Variants in FAM120B observed in about 807,000 individuals in gnomAD.
FAM120B encodes the protein family with sequence similarity 120 member B.
In FAM120B, 83 loss-of-function variants were observed where a neutral mutation model predicts 96.3. The observed-to-expected ratio is 0.86, with a 90% CI of 0.72 to 1.03. The LOEUF (loss-of-function observed/expected upper bound fraction) is 1.03. Among genes scored for constraint, FAM120B ranks in the 50% least tolerant of loss-of-function variants. The pLI is 0.00. For missense variants in FAM120B, 1,027 were observed against 1,121.2 expected (o/e 0.92, Z 1.20); for synonymous variants, 407 against 402.7 (o/e 1.01, Z -0.13).
At chr6:170,390,307 A>C (rs1377815110) in intron 7 of FAM120B, among the ~76,000 whole-genome samples, 1 of 152,234 alleles carries the variant, frequency 6.6e-6, no homozygotes, top group Non-Finnish European at 1.5e-5. Flanking sequence ...GCAAAAGCAG[A>C]ACAAGAGGAG....
At chr6:170,372,969 A>T (rs1789287664) in intron 6 of FAM120B, among the ~76,000 whole-genome samples, 1 of 152,224 alleles carries the variant, frequency 6.6e-6, no homozygotes, top group African/African-American at 2.4e-5. Context: ...TAGGACAAGC[A>T]CCCTGATGAA....
At position 170,363,975 on chromosome 6, in the gene FAM120B, G is replaced by C. The variant is rs983193284; in HGVS notation, c.2283+5657G>C. 1.3e-5 allele frequency among the ~76,000 whole-genome samples: 2 copies of C among 152,040 alleles called. No homozygotes were observed. The highest frequency in any genetic ancestry group is 4.8e-5 in the African/African-American group (2 of 41,404). Reference sequence around the variant, plus strand: ...CTGGAACTCCTGACCTTCAGTGATGGGCCTGCATCAGCCTCCCACAGTGCT... The same window carrying C: ...CTGGAACTCCTGACCTTCAGTGATGCGCCTGCATCAGCCTCCCACAGTGCT... On this transcript the variant is annotated intron_variant, in intron 6 of 10. Coordinates refer to ENST00000476287, the MANE Select transcript of FAM120B (RefSeq NM_032448.3). The surrounding 1 kb of genome is among the most constrained non-coding windows in gnomAD (Gnocchi z 4.5).
At chr6:170,299,998 G>A (rs2114979338) in intron 1 of FAM120B, among the ~76,000 whole-genome samples, 1 of 152,358 alleles carries the variant, frequency 6.6e-6, no homozygotes, top group African/African-American at 2.4e-5. Flanking sequence ...CACTTCAGCA[G>A]CATTTAATGT....
chr6:170,334,090 T>G (rs1786252747), intron 4 of FAM120B, among the ~76,000 whole-genome samples: 1 of 152,180 alleles, frequency 6.6e-6, no homozygotes, highest in African/African-American at 2.4e-5. Flanking sequence ...AATTGGAGAT[T>G]TGTCAATTCT....
chr6:170,326,814 C>T (rs975173008), intron 3 of FAM120B, among the ~76,000 whole-genome samples: 2 of 152,282 alleles, frequency 1.3e-5, no homozygotes, highest in South Asian at 4.1e-4. Flanking sequence ...TCACAGCTCA[C>T]TGCAGCCTTC....
chr6:170,324,987 C>T (rs1785502802), intron 3 of FAM120B, among the ~76,000 whole-genome samples: 1 of 152,158 alleles, frequency 6.6e-6, no homozygotes. Context: ...GATTTTCTGT[C>T]TACTTGTTCT....
chr6:170,382,121 CA>C (rs897252442), intron 6 of FAM120B, among the ~76,000 whole-genome samples: 4 of 151,904 alleles, frequency 2.6e-5, no homozygotes, highest in Admixed American at 2.6e-4. Flanking sequence ...AAGGAATCTA[CA>C]AAAAAAACTA....
intron 5 of FAM120B, among the ~76,000 whole-genome samples, chr6:170,349,030 T>TA (rs1452318755): frequency 6.6e-6 from 1 of 152,210 alleles, no homozygotes; most frequent in African/African-American, 2.4e-5. Context: ...AAAAATCAGT[T>TA]AAAAGATTCA....
At chr6:170,397,083 C>T (rs887908451) in intron 9 of FAM120B, among the ~76,000 whole-genome samples, 18 of 152,190 alleles carry the variant, frequency 1.2e-4, no homozygotes, top group African/African-American at 4.3e-4. Context: ...CTGGGGGCTC[C>T]CCGTGGGCTG....
rs758408197 is a variant in FAM120B, at chr6:170,318,622, A to G, written c.1232A>G (p.Gln411Arg). 23 of 1,597,648 alleles carry G rather than the reference A, an allele frequency of 1.4e-5. No homozygotes were observed. Among genetic ancestry groups the G allele is most frequent in the East Asian group, 4.7e-5 (2 of 42,212 alleles). The change falls in exon 2 of 11, where the codon CAA becomes CGA. Residue 411 changes from glutamine to arginine, a missense_variant. Physicochemically the swap from Gln to Arg is conservative, Grantham distance 43 (BLOSUM62 1). This residue lies in a region of FAM120B where 880 missense variants were observed against 980.9 expected (regional missense o/e 0.90). Transcript: ENST00000476287. Reference sequence around the variant, plus strand: ...ATGTGTTCAGACCCTGAACCCAGGCAAGAAGTTCCCATGTGTACAGGCCCT... The same window carrying G: ...ATGTGTTCAGACCCTGAACCCAGGCGAGAAGTTCCCATGTGTACAGGCCCT... ...VPMCSDPEPRQEVPMCTGPEA... is the reference protein window; with the variant it reads ...VPMCSDPEPRREVPMCTGPEA...
chr6:170,297,577 C>T (rs1030613808), intron 1 of FAM120B, among the ~76,000 whole-genome samples: 3 of 152,282 alleles, frequency 2.0e-5, no homozygotes, highest in Non-Finnish European at 4.4e-5. Flanking sequence ...CCCGCCCCTC[C>T]CCCCGAAAAA....
intron 4 of FAM120B, among the ~76,000 whole-genome samples, chr6:170,340,383 A>G (rs1395669716): frequency 2.0e-5 from 3 of 151,970 alleles, no homozygotes; most frequent in East Asian, 3.9e-4. Context: ...TCCAGTTAGC[A>G]GTTCCTGTAA....
intron 1 of FAM120B, among the ~76,000 whole-genome samples, chr6:170,309,901 C>T (rs1225498697): frequency 3.3e-5 from 5 of 152,308 alleles, no homozygotes; most frequent in African/African-American, 1.2e-4. Flanking sequence ...TTCCTCAATG[C>T]TCTCAAGTGA....
At chr6:170,296,282 A>G (rs1441318800) in intron 1 of FAM120B, among the ~76,000 whole-genome samples, 1 of 152,012 alleles carries the variant, frequency 6.6e-6, no homozygotes, top group Non-Finnish European at 1.5e-5. Flanking sequence ...CAGTGCGATG[A>G]TTGCCGGACG....
intron 1 of FAM120B, among the ~76,000 whole-genome samples, chr6:170,316,777 T>C (rs980014256): frequency 6.6e-6 from 1 of 152,214 alleles, no homozygotes; most frequent in Non-Finnish European, 1.5e-5. Context: ...AAGTGGTTAA[T>C]GTATCTGTCA....
chr6:170,357,980 GCCTGTGTGTACA>G (rs1788067129), intron 5 of FAM120B, among the ~76,000 whole-genome samples: 1 of 152,062 alleles, frequency 6.6e-6, no homozygotes, highest in African/African-American at 2.4e-5. Flanking sequence ...CTGTGCGTGT[GCCTGTGTGTACA>G]CCTGTGTGTG....
chr6:170,313,269 G>T (rs1377568208), intron 1 of FAM120B, among the ~76,000 whole-genome samples: 1 of 151,856 alleles, frequency 6.6e-6, no homozygotes, highest in African/African-American at 2.4e-5. Context: ...TCACCCAACT[G>T]GTGTTTAAGA....
upstream of FAM120B, among the ~76,000 whole-genome samples, chr6:170,295,133 A>G (rs1311788832): frequency 6.6e-6 from 1 of 152,178 alleles, no homozygotes; most frequent in African/African-American, 2.4e-5. This position sits in a 1 kb window ranked among gnomAD's most constrained non-coding sequence, Gnocchi z 7.8. Context: ...GCCACACGGG[A>G]AGTTCTCAGA....
At chr6:170,327,389 T>G (rs924008143) in intron 3 of FAM120B, among the ~76,000 whole-genome samples, 1 of 152,224 alleles carries the variant, frequency 6.6e-6, no homozygotes, top group Admixed American at 6.5e-5. Flanking sequence ...TCACAAAATA[T>G]TCTTAAAAAC....
Sources: allele counts gnomAD v4.1 joint callset (sites outside exome capture counted in the v4.1 genomes callset), GRCh38; gene constraint gnomAD v4.1.1; regional missense constraint gnomAD v4.1.1; non-coding constraint Gnocchi (gnomAD v3.1); transcripts MANE v1.5; gene names NCBI Gene and HGNC (gene_info 2026-07-23, HGNC 2026-07-21).